The following RPH3A variants were observed in gnomAD, a reference collection of about 807,000 sequenced individuals.
The protein encoded by RPH3A is rabphilin 3A.
A neutral mutation model predicts 102.2 loss-of-function variants in RPH3A; 48 were observed. That is an observed-to-expected ratio of 0.47 (90% CI 0.37 to 0.60). RPH3A has a LOEUF of 0.60. Ranked by LOEUF, RPH3A falls within the 20% of genes least tolerant of loss-of-function variation. RPH3A has a pLI of 0.00. For missense variants in RPH3A, 781 were observed against 910.1 expected, an observed-to-expected ratio of 0.86 and a Z score of 1.83; for synonymous variants, 310 against 324.3, an observed-to-expected ratio of 0.96 and a Z score of 0.47.
chr12:112,739,525 A>G (rs2040693494), intron 1 of RPH3A, among the ~76,000 whole-genome samples: 1 of 152,156 alleles, frequency 6.6e-6, no homozygotes, highest in South Asian at 2.1e-4. Flanking sequence ...GGCCTCCCCC[A>G]TTTCCATATG....
intron 1 of RPH3A, among the ~76,000 whole-genome samples, chr12:112,659,062 C>T (rs1409119096): frequency 2.0e-5 from 3 of 152,160 alleles, no homozygotes; most frequent in Non-Finnish European, 4.4e-5. Flanking sequence ...GTTGTGAGTA[C>T]AGCACCAGAA....
At chr12:112,713,023 C>CTTCTTCTTCTTCTTCT (rs2040485409) in intron 1 of RPH3A, among the ~76,000 whole-genome samples, 1 of 52,814 alleles carries the variant, frequency 1.9e-5, no homozygotes, top group African/African-American at 1.1e-4. Flanking sequence ...CTTCCTCTTC[C>CTTCTTCTTCTTCTTCT]TCTTCTTCTT....
chr12:112,895,679 C>T (rs905285715), intron 20 of RPH3A, 98 bp from the exon 21 acceptor site: 2 of 760,074 alleles, frequency 2.6e-6, no homozygotes, highest in African/African-American at 1.7e-5. Flanking sequence ...GCTCAAGGAC[C>T]TCTCCTTGGC....
chr12:112,710,710 A>G (rs1177803949), intron 1 of RPH3A, among the ~76,000 whole-genome samples: 1 of 152,254 alleles, frequency 6.6e-6, no homozygotes, highest in Non-Finnish European at 1.5e-5. Flanking sequence ...GCAGGAAGAT[A>G]TGTAAAGAAG....
Position 112,865,634 on chromosome 12 carries a change from G to A in RPH3A, c.360+91G>A, listed in dbSNP as rs1038267431. 3.5e-6 allele frequency: 5 copies of A among 1,408,666 alleles called. No individual in the cohort carries two copies. In the African/African-American group the frequency reaches 6.2e-5, roughly 17 times the overall value. 87.3% of individuals were successfully genotyped at this position (1,408,666 alleles called of 1,614,324 possible). Reference sequence around the variant, plus strand: ...AGCTGTAGGGGTCACTGGGTCTTGGGGGTGGAGCTTGGATCCTGAAGATCA... The same window carrying A: ...AGCTGTAGGGGTCACTGGGTCTTGGAGGTGGAGCTTGGATCCTGAAGATCA... On this transcript the variant is annotated intron_variant, in intron 6 of 21. Coordinates refer to ENST00000389385, the MANE Select transcript of RPH3A (RefSeq NM_001143854.2).
At chr12:112,838,308 G>T (rs1341344165) in intron 4 of RPH3A, among the ~76,000 whole-genome samples, 1 of 152,254 alleles carries the variant, frequency 6.6e-6, no homozygotes, top group Non-Finnish European at 1.5e-5. Flanking sequence ...ATGGAATTCA[G>T]TCTGGCTAAA....
chr12:112,804,690 C>T (rs1035149674), intron 2 of RPH3A, among the ~76,000 whole-genome samples: 3 of 152,138 alleles, frequency 2.0e-5, no homozygotes. Context: ...ATTACCACAG[C>T]CCCCCGTACT....
chr12:112,783,266 A>G (rs2041021137), intron 1 of RPH3A, among the ~76,000 whole-genome samples: 1 of 152,090 alleles, frequency 6.6e-6, no homozygotes, highest in Non-Finnish European at 1.5e-5. Flanking sequence ...TGGAGTAGGG[A>G]AGAAGAGGTG....
chr12:112,703,157 A>G (rs1283658595), intron 1 of RPH3A, among the ~76,000 whole-genome samples: 2 of 152,170 alleles, frequency 1.3e-5, no homozygotes, highest in Admixed American at 6.5e-5. Context: ...CCTTGAGGAC[A>G]TGCTTGGGGT....
chr12:112,691,258 C>T (rs2040304971), intron 1 of RPH3A, among the ~76,000 whole-genome samples: 2 of 152,072 alleles, frequency 1.3e-5, no homozygotes, highest in South Asian at 2.1e-4. Context: ...GTGATCCGCC[C>T]GCCTCGGCCT....
At chr12:112,655,939 T>C (rs1158206649) in intron 1 of RPH3A, among the ~76,000 whole-genome samples, 1 of 152,144 alleles carries the variant, frequency 6.6e-6, no homozygotes, top group Non-Finnish European at 1.5e-5. Context: ...ACTTTGTTCT[T>C]GTTCAAGATC....
At position 112,587,045 on chromosome 12, in the gene RPH3A, T is replaced by C. The variant is rs529382309; in HGVS notation, c.-140+11726T>C. On this transcript the variant is annotated intron_variant, in intron 1 of 21. Coordinates refer to the RPH3A transcript ENST00000543106. ...ATAAGAAGGCTATTTTCCCATCTAA[T>C]TCATTTTATTGGGTTTTGATGAAGA... Among the ~76,000 whole-genome samples the C allele has an allele frequency of 1.9e-3, 287 of 152,344 alleles. 2 individuals are homozygous for C. The highest frequency in any genetic ancestry group is 6.3e-3 in the African/African-American group (260 of 41,584).
At chr12:112,616,449 G>T (rs1325114830) in intron 1 of RPH3A, among the ~76,000 whole-genome samples, 1 of 152,140 alleles carries the variant, frequency 6.6e-6, no homozygotes, top group East Asian at 1.9e-4. Context: ...GCGCAGTCTG[G>T]ATCCATTCTT....
At chr12:112,857,697 T>C (rs2042432643) in intron 5 of RPH3A, among the ~76,000 whole-genome samples, 1 of 152,138 alleles carries the variant, frequency 6.6e-6, no homozygotes, top group Non-Finnish European at 1.5e-5. Context: ...CCCGAAGTTG[T>C]GATAATTTGT....
chr12:112,692,422 G>C (rs147512605), intron 1 of RPH3A, among the ~76,000 whole-genome samples: 2 of 152,056 alleles, frequency 1.3e-5, no homozygotes, highest in African/African-American at 4.8e-5. Flanking sequence ...TATATATCCC[G>C]TAAATATGTA....
chr12:112,889,943 A>C, intron 17 of RPH3A, 81 bp from the exon 18 acceptor site: 1 of 1,267,116 alleles, frequency 7.9e-7, no homozygotes, highest in Non-Finnish European at 1.1e-6. Flanking sequence ...TAATGGAAGT[A>C]TGAGGGGTTT....
intron 1 of RPH3A, among the ~76,000 whole-genome samples, chr12:112,730,207 G>A: frequency 6.6e-6 from 1 of 152,214 alleles, no homozygotes; most frequent in African/African-American, 2.4e-5. Flanking sequence ...GTGAGACAGT[G>A]CATTTCTGTT....
At chr12:112,776,992 GT>G (rs1321892717) in intron 1 of RPH3A, among the ~76,000 whole-genome samples, 1 of 151,190 alleles carries the variant, frequency 6.6e-6, no homozygotes, top group Admixed American at 6.6e-5. Context: ...AGTTCAAAGG[GT>G]GGAGAAGTTA....
At chr12:112,852,695 TCTC>T (rs938389198) in intron 5 of RPH3A, among the ~76,000 whole-genome samples, 2 of 152,074 alleles carry the variant, frequency 1.3e-5, no homozygotes, top group Admixed American at 6.5e-5. Context: ...GCTGAGCACT[TCTC>T]CTGAGCATAA....
Sources: gnomAD v4.1 joint callset for allele counts (sites outside exome capture counted in the v4.1 genomes callset) on GRCh38, gnomAD v4.1.1 for gene constraint, MANE v1.5 for transcripts, NCBI Gene and HGNC (gene_info 2026-07-23, HGNC 2026-07-21) for gene names.